Variants in LRP1B observed in about 807,000 individuals in gnomAD.
LRP1B encodes low-density lipoprotein receptor-related protein 1B.
Under a neutral mutation model 556.6 loss-of-function variants are expected in LRP1B, and 217 were observed. The ratio of observed to expected loss-of-function variants is 0.39; its 90% CI spans 0.35 to 0.44. The LOEUF (loss-of-function observed/expected upper bound fraction) is 0.44. Ranked by LOEUF, LRP1B falls within the 20% of genes least tolerant of loss-of-function variation. The pLI is 1.00. For synonymous variants in LRP1B, 2,047 were observed against 1,865.8 expected (o/e 1.10, Z -2.50); for missense variants, 5,053 against 5,620.8 (o/e 0.90, Z 3.23).
chr2:141,666,870 G>A (rs987377404), intron 2 of LRP1B, among the ~76,000 whole-genome samples: 2 of 152,104 alleles, frequency 1.3e-5, no homozygotes, highest in Non-Finnish European at 2.9e-5. Context: ...TTTAACCTTG[G>A]TACAGTTTTC....
intron 3 of LRP1B, among the ~76,000 whole-genome samples, chr2:141,353,473 T>G (rs1438260084): frequency 6.6e-6 from 1 of 152,030 alleles, no homozygotes; most frequent in Non-Finnish European, 1.5e-5. Flanking sequence ...CATATTTCAT[T>G]AAGAGAAACA....
intron 84 of LRP1B, among the ~76,000 whole-genome samples, chr2:140,292,348 A>C (rs1157751250): frequency 6.6e-6 from 1 of 152,168 alleles, no homozygotes; most frequent in East Asian, 1.9e-4. Context: ...ATGTTTACTG[A>C]GTGTGATTTC....
At chr2:141,002,565 G>A (rs917489691) in intron 15 of LRP1B, among the ~76,000 whole-genome samples, 2 of 151,900 alleles carry the variant, frequency 1.3e-5, no homozygotes, top group Admixed American at 1.3e-4. Context: ...ATTTCTAGAT[G>A]ACTTATAATA....
intron 1 of LRP1B, among the ~76,000 whole-genome samples, chr2:141,855,285 A>G (rs1698013859): frequency 6.6e-6 from 1 of 152,110 alleles, no homozygotes; most frequent in Non-Finnish European, 1.5e-5. Flanking sequence ...AAAACTGCCT[A>G]AAGAAGGGTG....
At chr2:141,070,409 T>A (rs1393743080) in intron 7 of LRP1B, among the ~76,000 whole-genome samples, 1 of 150,536 alleles carries the variant, frequency 6.6e-6, no homozygotes, top group Non-Finnish European at 1.5e-5. Context: ...GCAGGAAAGA[T>A]CCAAAATTGA....
chr2:141,354,880 TGA>T (rs199953862), intron 3 of LRP1B, among the ~76,000 whole-genome samples: 1,856 of 152,238 alleles, frequency 0.012, 24 homozygotes, highest in Middle Eastern at 0.02. Context: ...AAATGTTTAA[TGA>T]GAGTACTAGA....
chr2:140,683,559 A>C, intron 41 of LRP1B: 1 of 660,858 alleles, frequency 1.5e-6, no homozygotes, highest in Non-Finnish European at 2.9e-6. Context: ...TTTCAACTCC[A>C]AGTCCCAGTC....
At chr2:141,991,900 G>A (rs903148825) in intron 1 of LRP1B, among the ~76,000 whole-genome samples, 3 of 152,060 alleles carry the variant, frequency 2.0e-5, no homozygotes, top group African/African-American at 4.8e-5. Context: ...TATTGCACAT[G>A]CAATAGAAGA....
chr2:140,277,659 G>A (rs772194803), intron 84 of LRP1B, among the ~76,000 whole-genome samples: 12 of 151,618 alleles, frequency 7.9e-5, no homozygotes, highest in Non-Finnish European at 1.5e-4. Flanking sequence ...ATGAGCGCCT[G>A]TACATAACTC....
At position 141,188,496 on chromosome 2, in the gene LRP1B, T is replaced by G. The variant is rs759948670; in HGVS notation, c.938A>C (p.Asn313Thr). The change falls in exon 7 of 91, where the codon AAC (asparagine) becomes ACC (threonine). Residue 313 changes from asparagine to threonine, a missense_variant. Asn to Thr is a moderately conservative substitution (Grantham distance 65). Around this residue, in one of 5 missense-constraint regions of LRP1B, gnomAD observed 3,619 missense variants for 3,931.9 expected, o/e 0.92. Transcript: ENST00000389484. Reference sequence around the variant, plus strand: ...AATCAGGGTGACACATACAGAACCGTTGGAATTACAAACAAAGATCCGGTC... The same window carrying G: ...AATCAGGGTGACACATACAGAACCGGTGGAATTACAAACAAAGATCCGGTC... ...VGDRIFVCNS[N>T]GSVCVTLIDL... 2 of 1,612,726 alleles carry G rather than the reference T, an allele frequency of 1.2e-6. No individual in the cohort carries two copies. The highest frequency in any genetic ancestry group is 1.1e-5 in the South Asian group (1 of 91,044).
intron 2 of LRP1B, among the ~76,000 whole-genome samples, chr2:141,785,815 C>A (rs1256636277): frequency 6.6e-6 from 1 of 151,438 alleles, no homozygotes; most frequent in African/African-American, 2.4e-5. Context: ...AAAGATTTCA[C>A]ACTGTGGAAT....
At chr2:141,837,998 T>C (rs945923883) in intron 1 of LRP1B, among the ~76,000 whole-genome samples, 10 of 152,058 alleles carry the variant, frequency 6.6e-5, no homozygotes, top group African/African-American at 1.9e-4. Context: ...ACTAGGAGAA[T>C]AGGAGTAAAC....
chr2:141,800,365 C>G (rs58779442), intron 2 of LRP1B, among the ~76,000 whole-genome samples: 5,468 of 152,216 alleles, frequency 0.036, 349 homozygotes, highest in African/African-American at 0.12. Context: ...AGTAAATTTC[C>G]TTTTGCTTTA....
intron 35 of LRP1B, among the ~76,000 whole-genome samples, chr2:140,753,239 G>T (rs1688643138): frequency 6.6e-6 from 1 of 152,088 alleles, no homozygotes. Context: ...AGCTGAATTT[G>T]CTATAATTTC....
intron 2 of LRP1B, among the ~76,000 whole-genome samples, chr2:141,687,884 G>A (rs1691368982): frequency 6.7e-6 from 1 of 149,100 alleles, no homozygotes; most frequent in Admixed American, 6.8e-5. Context: ...AAATGATTCA[G>A]GAATTTGGAC....
intron 45 of LRP1B, among the ~76,000 whole-genome samples, chr2:140,539,784 A>G (rs1680066352): frequency 6.6e-6 from 1 of 152,160 alleles, no homozygotes; most frequent in South Asian, 2.1e-4. Flanking sequence ...CAATTCAGAG[A>G]AGTGTTAAGT....
At chr2:140,434,181 T>C (rs977199194) in intron 66 of LRP1B, among the ~76,000 whole-genome samples, 2 of 152,134 alleles carry the variant, frequency 1.3e-5, no homozygotes, top group Admixed American at 1.3e-4. Context: ...ACGATTCTCC[T>C]GCCTCAGCCT....
At chr2:141,381,152 C>G (rs1221202621) in intron 3 of LRP1B, among the ~76,000 whole-genome samples, 1 of 151,916 alleles carries the variant, frequency 6.6e-6, no homozygotes, top group African/African-American at 2.4e-5. Context: ...TAAAAATGCT[C>G]GCTGAGTTCA....
At chr2:141,640,933 A>G (rs1445345637) in intron 2 of LRP1B, among the ~76,000 whole-genome samples, 2 of 152,158 alleles carry the variant, frequency 1.3e-5, no homozygotes, top group Non-Finnish European at 2.9e-5. Context: ...TGTGGTGGTG[A>G]GCAGCTGATT....
Sources: gnomAD v4.1 joint callset for allele counts (sites outside exome capture counted in the v4.1 genomes callset) on GRCh38, gnomAD v4.1.1 for gene constraint, gnomAD v4.1.1 regional missense constraint, MANE v1.5 for transcripts, NCBI Gene and HGNC (gene_info 2026-07-23, HGNC 2026-07-21) for gene names.